PRRX2: variants seen among roughly 807,000 people sequenced by gnomAD.
The protein encoded by PRRX2 is paired related homeobox 2.
Under a neutral mutation model 18.0 loss-of-function variants are expected in PRRX2, and 11 were observed. The ratio of observed to expected loss-of-function variants is 0.61; its 90% CI spans 0.39 to 1.01. PRRX2 has a LOEUF of 1.01. PRRX2 is among the 50% of genes least tolerant of loss of function. The pLI, the probability that PRRX2 is intolerant of heterozygous loss-of-function variation, is 0.01. For synonymous variants in PRRX2, 177 were observed against 154.8 expected (o/e 1.14, Z -1.06); for missense variants, 387 against 351.0 (o/e 1.10, Z -0.82).
chr9:129,666,236 G>T, intron 1 of PRRX2, 110 bp downstream of exon 1: 1 of 882,176 alleles, frequency 1.1e-6, no homozygotes, highest in Non-Finnish European at 1.4e-6. Context: ...AGGGCGCGTG[G>T]TCGGCGGCAG....
chr9:129,678,470 C>T (rs1467281316), intron 1 of PRRX2, among the ~76,000 whole-genome samples: 4 of 152,168 alleles, frequency 2.6e-5, no homozygotes, highest in African/African-American at 4.8e-5. Flanking sequence ...TGACAACACA[C>T]GACGGGGCCC....
intron 1 of PRRX2, among the ~76,000 whole-genome samples, chr9:129,676,889 C>A (rs577024550): frequency 4.6e-5 from 7 of 152,348 alleles, no homozygotes; most frequent in African/African-American, 1.7e-4. Flanking sequence ...CAGAGAAAAC[C>A]TCCCTAAGTT....
intron 3 of PRRX2, 41 bp downstream of exon 3, chr9:129,720,815 G>A (rs749604137): frequency 4.7e-6 from 7 of 1,495,324 alleles, no homozygotes; most frequent in Admixed American, 2.2e-5. Flanking sequence ...GGGGCAGCTC[G>A]AGGAATCCCA....
chr9:129,684,496 ACACACACACACACACACACACACACACC>A (rs1263661072), intron 1 of PRRX2, among the ~76,000 whole-genome samples: 6 of 80,570 alleles, frequency 7.4e-5, no homozygotes, highest in Admixed American at 3.3e-4. Context: ...ACACACACAC[ACACACACACACACACACACACACACACC>A]CACACACACC....
At chr9:129,677,873 C>G (rs1470703648) in intron 1 of PRRX2, among the ~76,000 whole-genome samples, 1 of 151,966 alleles carries the variant, frequency 6.6e-6, no homozygotes, top group African/African-American at 2.4e-5. Flanking sequence ...GATCTAATAC[C>G]AGCTGAAAGC....
chr9:129,706,789 G>T (rs951042082), intron 1 of PRRX2, among the ~76,000 whole-genome samples: 9 of 152,088 alleles, frequency 5.9e-5, no homozygotes, highest in South Asian at 2.1e-4. Flanking sequence ...ATATTCAGTT[G>T]TACAACCATC....
chr9:129,720,554 C>G (rs779797785), intron 2 of PRRX2, 42 bp from the exon 3 acceptor site: 2 of 1,534,326 alleles, frequency 1.3e-6, no homozygotes, highest in South Asian at 1.3e-5. Context: ...GACTTGGGTC[C>G]CCCCTGCCCA....
At position 129,675,828 on chromosome 9, in the gene PRRX2, G is replaced by A. The variant is rs567706728; in HGVS notation, c.259+9702G>A. ...TGGCAGGGGCCTCGCAGCCTCTCTC[G>A]CCGCCAGAGCTCTGCGCGGGCCTCC... On this transcript the variant is annotated intron_variant, in intron 1 of 3. Coordinates refer to ENST00000372469, the MANE Select transcript of PRRX2 (RefSeq NM_016307.4). The surrounding 1 kb of genome is among the most constrained non-coding windows in gnomAD (Gnocchi z 4.4). Among the ~76,000 whole-genome samples the A allele has an allele frequency of 2.0e-5, 3 of 152,312 alleles. No homozygotes were observed. The highest frequency in any genetic ancestry group is 2.1e-4 in the South Asian group (1 of 4,830).
intron 1 of PRRX2, among the ~76,000 whole-genome samples, chr9:129,701,364 A>G (rs115405860): frequency 0.01 from 1,583 of 152,314 alleles, 32 homozygotes; most frequent in African/African-American, 0.037. Context: ...TTGACCACTA[A>G]CTGGGTGCCA....
rs1158387963 is a variant in PRRX2 at position 129,675,176 on chromosome 9, G to A, written c.259+9050G>A. Among the ~76,000 whole-genome samples the A allele has an allele frequency of 6.6e-6, 1 of 152,156 alleles. No individual in the cohort carries two copies. Among genetic ancestry groups the A allele is most frequent in the African/African-American group, 2.4e-5 (1 of 41,416 alleles). Reference sequence around the variant, plus strand: ...TGTCCAGTATACAGGAGAGGGAGGGGGCTGCGCTGAGGCTAAGCCCCAGCA... The same window carrying A: ...TGTCCAGTATACAGGAGAGGGAGGGAGCTGCGCTGAGGCTAAGCCCCAGCA... On this transcript the variant is annotated intron_variant, in intron 1 of 3. Transcript: ENST00000372469. The surrounding 1 kb of genome is among the most constrained non-coding windows in gnomAD (Gnocchi z 4.4).
intron 1 of PRRX2, among the ~76,000 whole-genome samples, chr9:129,682,415 C>T (rs1832244467): frequency 1.3e-5 from 2 of 152,126 alleles, no homozygotes; most frequent in Admixed American, 1.3e-4. Flanking sequence ...AGCCATACCC[C>T]TGGCAACCGC....
intron 1 of PRRX2, among the ~76,000 whole-genome samples, chr9:129,718,199 C>T (rs978610488): frequency 6.6e-6 from 1 of 152,104 alleles, no homozygotes; most frequent in African/African-American, 2.4e-5. Context: ...CGGTCAGGTC[C>T]CCTGCTGGGA....
intron 1 of PRRX2, among the ~76,000 whole-genome samples, chr9:129,684,503 CACACACACACACACA>C (rs1192658463): frequency 5.3e-4 from 60 of 112,976 alleles, no homozygotes; most frequent in African/African-American, 2.1e-3. Context: ...CACACACACA[CACACACACACACACA>C]CACACCCACA....
At chr9:129,720,824 C>A in intron 3 of PRRX2, 50 bp downstream of exon 3, 1 of 1,477,338 alleles carries the variant, frequency 6.8e-7, no homozygotes, top group Non-Finnish European at 9.0e-7. Flanking sequence ...CGAGGAATCC[C>A]AGAGGGCTTT....
At chr9:129,680,365 C>T (rs1011649740) in intron 1 of PRRX2, among the ~76,000 whole-genome samples, 2 of 143,588 alleles carry the variant, frequency 1.4e-5, no homozygotes, top group Admixed American at 1.4e-4. Context: ...CATGCCACTG[C>T]ACTCCAGCCT....
At chr9:129,697,622 AC>A (rs1459782095) in intron 1 of PRRX2, among the ~76,000 whole-genome samples, 2 of 151,426 alleles carry the variant, frequency 1.3e-5, no homozygotes. Context: ...TTTCGGACCG[AC>A]CCCAGACCCG....
At chr9:129,693,655 A>G (rs1255111898) in intron 1 of PRRX2, among the ~76,000 whole-genome samples, 2 of 152,040 alleles carry the variant, frequency 1.3e-5, no homozygotes, top group Middle Eastern at 3.2e-3. Flanking sequence ...TGCCATCATT[A>G]CTGGTTAATA....
At chr9:129,702,073 C>T (rs2130925162) in intron 1 of PRRX2, among the ~76,000 whole-genome samples, 1 of 151,686 alleles carries the variant, frequency 6.6e-6, no homozygotes, top group Non-Finnish European at 1.5e-5. Flanking sequence ...TGCACTCCAG[C>T]CTGGGCGACA....
At chr9:129,678,621 G>A (rs1231775309) in intron 1 of PRRX2, among the ~76,000 whole-genome samples, 2 of 152,184 alleles carry the variant, frequency 1.3e-5, no homozygotes, top group Non-Finnish European at 2.9e-5. Flanking sequence ...GAAAGGCTCC[G>A]AGTTGGAAAG....
Sources: gnomAD v4.1 joint callset for allele counts (sites outside exome capture counted in the v4.1 genomes callset) on GRCh38, gnomAD v4.1.1 for gene constraint, Gnocchi (gnomAD v3.1) non-coding constraint, MANE v1.5 for transcripts, NCBI Gene and HGNC (gene_info 2026-07-23, HGNC 2026-07-21) for gene names.